Variants in SRGAP3 observed in about 807,000 individuals in gnomAD.
SRGAP3 encodes the protein SLIT-ROBO Rho GTPase activating protein 3.
A neutral mutation model predicts 121.1 loss-of-function variants in SRGAP3; 39 were observed. The ratio of observed to expected loss-of-function variants is 0.32; its 90% CI spans 0.25 to 0.42. The LOEUF is 0.42. Among genes scored for constraint, SRGAP3 ranks in the 10% least tolerant of loss-of-function variants. The pLI is 1.00. For missense variants in SRGAP3, 1,213 were observed against 1,470.6 expected, an observed-to-expected ratio of 0.82 and a Z score of 2.86; for synonymous variants, 601 against 570.0, an observed-to-expected ratio of 1.05 and a Z score of -0.77.
intron 1 of SRGAP3, chr3:9,348,515 T>C (rs1955947799): frequency 1.3e-6 from 1 of 749,090 alleles, no homozygotes; most frequent in Non-Finnish European, 2.5e-6. Flanking sequence ...CTTCAGCAGC[T>C]GGTACAACAC....
intron 3 of SRGAP3, among the ~76,000 whole-genome samples, chr3:9,267,240 T>C (rs560251381): frequency 3.3e-5 from 5 of 152,228 alleles, no homozygotes; most frequent in African/African-American, 7.2e-5. Context: ...GAGAAAGATA[T>C]AGCTCCCAAG....
At chr3:9,236,339 T>A (rs1953408170) in intron 1 of SRGAP3, 1 of 163,414 alleles carries the variant, frequency 6.1e-6, no homozygotes, top group Admixed American at 6.4e-5. Flanking sequence ...TCCCAGTACT[T>A]ACTACACTGT....
chr3:9,093,565 T>TCATC (rs146504902), intron 3 of SRGAP3, among the ~76,000 whole-genome samples: 5 of 151,962 alleles, frequency 3.3e-5, no homozygotes, highest in African/African-American at 4.8e-5. Context: ...ATCCATCCAT[T>TCATC]CATCCATCCA....
At chr3:9,165,291 C>T (rs1290662968) in intron 1 of SRGAP3, among the ~76,000 whole-genome samples, 2 of 152,208 alleles carry the variant, frequency 1.3e-5, no homozygotes, top group Admixed American at 6.5e-5. Flanking sequence ...GTCAGGCAGC[C>T]ATGGGGCCCT....
chr3:9,050,067 C>T (rs372688031), intron 9 of SRGAP3, among the ~76,000 whole-genome samples: 2 of 152,136 alleles, frequency 1.3e-5, no homozygotes, highest in African/African-American at 2.4e-5. Flanking sequence ...CATGAACTCA[C>T]GAGCTCAAGC....
chr3:9,066,889 T>C (rs536938380), intron 4 of SRGAP3, among the ~76,000 whole-genome samples: 6 of 152,274 alleles, frequency 3.9e-5, no homozygotes, highest in Non-Finnish European at 8.8e-5. Context: ...GCAACATATA[T>C]TGTAGATCAT....
At chr3:9,052,555 G>A (rs1335637807) in intron 9 of SRGAP3, among the ~76,000 whole-genome samples, 1 of 152,146 alleles carries the variant, frequency 6.6e-6, no homozygotes, top group Admixed American at 6.6e-5. Flanking sequence ...CCCAGTCCCT[G>A]TCCAAATGAA....
At chr3:9,044,519 C>T (rs1004941302) in intron 10 of SRGAP3, among the ~76,000 whole-genome samples, 20 of 152,306 alleles carry the variant, frequency 1.3e-4, no homozygotes, top group Admixed American at 9.8e-4. Flanking sequence ...TTGTTTATTT[C>T]GGGAATTTTC....
At chr3:9,102,034 C>G (rs1948236381) in intron 3 of SRGAP3, among the ~76,000 whole-genome samples, 1 of 152,214 alleles carries the variant, frequency 6.6e-6, no homozygotes, top group African/African-American at 2.4e-5. Flanking sequence ...CAGGCCCAAG[C>G]CAGAAGATAG....
chr3:9,048,989 C>A (rs2670002), intron 9 of SRGAP3, among the ~76,000 whole-genome samples: 55,143 of 151,908 alleles, frequency 0.36, 10,351 homozygotes, highest in South Asian at 0.54. Flanking sequence ...GTAATTGCAA[C>A]AGCCCTGAGA....
intron 21 of SRGAP3, among the ~76,000 whole-genome samples, chr3:8,987,740 A>T (rs1451057292): frequency 1.5e-5 from 2 of 131,366 alleles, no homozygotes; most frequent in Non-Finnish European, 2.9e-5. Context: ...CAACTTTAAG[A>T]AAGGGTGTTT....
chr3:9,130,529 T>G (rs1489907078), intron 1 of SRGAP3, among the ~76,000 whole-genome samples: 1 of 152,218 alleles, frequency 6.6e-6, no homozygotes, highest in Non-Finnish European at 1.5e-5. Context: ...GTCGCTAGCC[T>G]GTGCTCCTAA....
At chr3:9,263,351 G>A (rs116049505) in intron 3 of SRGAP3, among the ~76,000 whole-genome samples, 1,734 of 151,752 alleles carry the variant, frequency 0.011, 35 homozygotes, top group African/African-American at 0.04. Flanking sequence ...ACCAGAAGAC[G>A]AGAAATAACT....
At chr3:9,083,607 A>G (rs573453615) in intron 3 of SRGAP3, among the ~76,000 whole-genome samples, 2 of 152,302 alleles carry the variant, frequency 1.3e-5, no homozygotes, top group South Asian at 4.1e-4. Context: ...CATCATAATT[A>G]ATTTAGCCAG....
chr3:9,166,411 G>T (rs1237382234), intron 1 of SRGAP3, among the ~76,000 whole-genome samples: 2 of 152,178 alleles, frequency 1.3e-5, no homozygotes, highest in African/African-American at 4.8e-5. Flanking sequence ...TAGAATTTTA[G>T]CTGGGCTCAC....
chr3:9,291,232 G>A (rs1954863490), intron 3 of SRGAP3, among the ~76,000 whole-genome samples: 1 of 152,142 alleles, frequency 6.6e-6, no homozygotes, highest in Admixed American at 6.5e-5. Flanking sequence ...AACATGGTAT[G>A]GTGAAAGCAT....
intron 3 of SRGAP3, among the ~76,000 whole-genome samples, chr3:9,087,736 T>C (rs1001508937): frequency 6.6e-6 from 1 of 152,116 alleles, no homozygotes; most frequent in Non-Finnish European, 1.5e-5. Context: ...AGAGCAGGAC[T>C]GGGAACTACT....
At chr3:9,295,206 T>C (rs1954932444) in intron 3 of SRGAP3, among the ~76,000 whole-genome samples, 1 of 152,236 alleles carries the variant, frequency 6.6e-6, no homozygotes, top group Non-Finnish European at 1.5e-5. Context: ...CTTCCTCTAA[T>C]GAAGTTTCTG....
At chr3:9,141,142 G>A (rs572360836) in intron 1 of SRGAP3, among the ~76,000 whole-genome samples, 197 of 152,292 alleles carry the variant, frequency 1.3e-3, no homozygotes, top group Non-Finnish European at 1.8e-3. Context: ...GGCCCTGCTG[G>A]ATTCAAACCC....
Sources: gnomAD v4.1 joint callset for allele counts (sites outside exome capture counted in the v4.1 genomes callset) on GRCh38, gnomAD v4.1.1 for gene constraint, MANE v1.5 for transcripts, NCBI Gene and HGNC (gene_info 2026-07-23, HGNC 2026-07-21) for gene names.